LRRC4C: variants seen among roughly 807,000 people sequenced by gnomAD.
LRRC4C encodes leucine-rich repeat-containing protein 4C.
Under a neutral mutation model 33.6 loss-of-function variants are expected in LRRC4C, and 5 were observed. The observed-to-expected ratio is 0.15, with a 90% CI of 0.08 to 0.31. The LOEUF (loss-of-function observed/expected upper bound fraction) is 0.31. LRRC4C is among the 10% of genes least tolerant of loss of function. The pLI is 1.00. For synonymous variants in LRRC4C, 329 were observed against 302.0 expected (o/e 1.09, Z -0.93); for missense variants, 560 against 796.7 (o/e 0.70, Z 3.58).
intron 2 of LRRC4C, among the ~76,000 whole-genome samples, chr11:40,788,505 C>T (rs2137351017): frequency 6.6e-6 from 1 of 152,244 alleles, no homozygotes; most frequent in East Asian, 1.9e-4. Context: ...CAAAGCTACC[C>T]CAGATACCAT....
chr11:40,463,222 T>C (rs1337881638), intron 3 of LRRC4C, among the ~76,000 whole-genome samples: 1 of 151,912 alleles, frequency 6.6e-6, no homozygotes, highest in Non-Finnish European at 1.5e-5. Context: ...ATTAGAGGCA[T>C]AGAAGTACAG....
chr11:40,221,322 A>G (rs977678394), intron 5 of LRRC4C, among the ~76,000 whole-genome samples: 12 of 152,220 alleles, frequency 7.9e-5, no homozygotes, highest in Non-Finnish European at 1.6e-4. Context: ...AATTAGAATC[A>G]TGCAGGGAAT....
At chr11:40,582,330 T>C (rs991206309) in intron 3 of LRRC4C, among the ~76,000 whole-genome samples, 1 of 152,160 alleles carries the variant, frequency 6.6e-6, no homozygotes, top group Non-Finnish European at 1.5e-5. Flanking sequence ...AAGGAACAGA[T>C]AGTACTAAAC....
At chr11:40,814,561 C>T (rs1255744462) in intron 2 of LRRC4C, among the ~76,000 whole-genome samples, 2 of 151,944 alleles carry the variant, frequency 1.3e-5, no homozygotes, top group African/African-American at 2.4e-5. Context: ...GTTCCTTGTT[C>T]CTTGTGCAAA....
intron 1 of LRRC4C, among the ~76,000 whole-genome samples, chr11:41,197,603 T>C (rs1159585351): frequency 6.6e-6 from 1 of 151,990 alleles, no homozygotes; most frequent in Non-Finnish European, 1.5e-5. Flanking sequence ...ATAGAGATTA[T>C]TTTTTCTCCA....
chr11:40,157,946 A>T (rs1202731337), intron 5 of LRRC4C, among the ~76,000 whole-genome samples: 1 of 152,212 alleles, frequency 6.6e-6, no homozygotes, highest in Non-Finnish European at 1.5e-5. Flanking sequence ...TCATTATTTG[A>T]AAAAGATACT....
intron 1 of LRRC4C, among the ~76,000 whole-genome samples, chr11:41,218,165 C>T (rs1488442346): frequency 6.6e-6 from 1 of 151,356 alleles, no homozygotes. Context: ...CTTTAGTCAC[C>T]TTTGTTACTT....
At chr11:40,350,268 A>G (rs542179519) in intron 3 of LRRC4C, among the ~76,000 whole-genome samples, 2 of 152,158 alleles carry the variant, frequency 1.3e-5, no homozygotes, top group South Asian at 2.1e-4. Context: ...TGATTTTTGC[A>G]TGTGCTGAGA....
chr11:40,856,128 A>G (rs1953769713), intron 2 of LRRC4C, among the ~76,000 whole-genome samples: 1 of 152,140 alleles, frequency 6.6e-6, no homozygotes, highest in Admixed American at 6.6e-5. Flanking sequence ...GCCATCCATT[A>G]CTGTATGAGC....
intron 6 of LRRC4C, among the ~76,000 whole-genome samples, chr11:40,133,533 A>G (rs369908066): frequency 7.8e-4 from 119 of 152,330 alleles, no homozygotes; most frequent in African/African-American, 2.8e-3. Context: ...AAGTCATTTC[A>G]GCTATAATAA....
intron 2 of LRRC4C, among the ~76,000 whole-genome samples, chr11:40,929,152 T>C (rs1565212793): frequency 6.6e-6 from 1 of 152,152 alleles, no homozygotes; most frequent in East Asian, 1.9e-4. Context: ...GTTGCAAAAC[T>C]TAAAGCAAAT....
At chr11:40,327,834 CA>C (rs1565277104) in intron 3 of LRRC4C, among the ~76,000 whole-genome samples, 1 of 151,956 alleles carries the variant, frequency 6.6e-6, no homozygotes, top group Non-Finnish European at 1.5e-5. Flanking sequence ...AAATTAATAA[CA>C]AAAACAATAA....
chr11:41,072,658 G>A (rs1398227607), intron 1 of LRRC4C, among the ~76,000 whole-genome samples: 1 of 152,054 alleles, frequency 6.6e-6, no homozygotes, highest in Non-Finnish European at 1.5e-5. Context: ...AAATTGCCCA[G>A]TATCAGGTAG....
At chr11:40,923,765 G>A (rs1350498278) in intron 2 of LRRC4C, among the ~76,000 whole-genome samples, 1 of 152,126 alleles carries the variant, frequency 6.6e-6, no homozygotes. Context: ...TGGCTGAATA[G>A]ACAATAATAG....
chr11:40,144,595 C>T (rs1208032705), intron 5 of LRRC4C, among the ~76,000 whole-genome samples: 1 of 152,146 alleles, frequency 6.6e-6, no homozygotes, highest in Non-Finnish European at 1.5e-5. Flanking sequence ...TTTGTTAATA[C>T]TATAAATTAT....
At chr11:40,572,357 A>G (rs903112909) in intron 3 of LRRC4C, among the ~76,000 whole-genome samples, 6 of 152,186 alleles carry the variant, frequency 3.9e-5, no homozygotes, top group African/African-American at 1.4e-4. Flanking sequence ...CAGCAGATGT[A>G]GCAGTATATC....
chr11:40,279,366 G>A (rs61911097), intron 4 of LRRC4C, among the ~76,000 whole-genome samples: 10,381 of 152,088 alleles, frequency 0.068, 515 homozygotes, highest in Middle Eastern at 0.13. Flanking sequence ...AAACTACAGC[G>A]CTATACAGAA....
chr11:40,880,632 G>C (rs1213030866), intron 2 of LRRC4C, among the ~76,000 whole-genome samples: 1 of 150,100 alleles, frequency 6.7e-6, no homozygotes, highest in Admixed American at 6.7e-5. Flanking sequence ...CTTGATATAA[G>C]AATATATGTA....
intron 1 of LRRC4C, among the ~76,000 whole-genome samples, chr11:41,356,384 T>G (rs1359412806): frequency 2.0e-5 from 3 of 152,114 alleles, no homozygotes; most frequent in Non-Finnish European, 2.9e-5. Flanking sequence ...CATACACGCC[T>G]TCCTCCAGAA....
Sources: allele counts gnomAD v4.1 joint callset (sites outside exome capture counted in the v4.1 genomes callset), GRCh38; gene constraint gnomAD v4.1.1; transcripts MANE v1.5; gene names NCBI Gene and HGNC (gene_info 2026-07-23, HGNC 2026-07-21).